Variants in VPS13B observed in about 807,000 individuals in gnomAD.
VPS13B encodes the protein vacuolar protein sorting 13 homolog B.
In VPS13B, 285 loss-of-function variants were observed where a neutral mutation model predicts 426.4. The ratio of observed to expected loss-of-function variants is 0.67; its 90% CI spans 0.61 to 0.74. The LOEUF is 0.74. VPS13B is among the 30% of genes least tolerant of loss of function. The pLI, the probability that VPS13B is intolerant of heterozygous loss-of-function variation, is 0.00. For synonymous variants in VPS13B, 1,676 were observed against 1,676.4 expected (o/e 1.00, Z 0.01); for missense variants, 4,537 against 4,782.6 (o/e 0.95, Z 1.51).
intron 43 of VPS13B, among the ~76,000 whole-genome samples, chr8:99,798,760 C>T (rs555184883): frequency 5.3e-5 from 8 of 152,132 alleles, no homozygotes; most frequent in Non-Finnish European, 8.8e-5. Flanking sequence ...AAGCTTTTTA[C>T]AAGACACTCA....
intron 43 of VPS13B, among the ~76,000 whole-genome samples, chr8:99,784,887 C>T (rs1050690532): frequency 1.3e-5 from 2 of 152,038 alleles, no homozygotes; most frequent in Non-Finnish European, 2.9e-5. Flanking sequence ...GCATTGTGTT[C>T]GGTATTATTA....
intron 3 of VPS13B, among the ~76,000 whole-genome samples, chr8:99,078,917 TG>T (rs1588005660): frequency 6.6e-6 from 1 of 152,026 alleles, no homozygotes; most frequent in East Asian, 1.9e-4. Flanking sequence ...GCAGTGGCCA[TG>T]GTGGGTGTCT....
At chr8:99,110,027 T>A (rs555722167) in intron 5 of VPS13B, among the ~76,000 whole-genome samples, 5 of 152,294 alleles carry the variant, frequency 3.3e-5, no homozygotes, top group African/African-American at 1.2e-4. Flanking sequence ...AGTAACTAAA[T>A]CATTATTCAT....
chr8:99,435,096 T>C (rs1181344945), intron 22 of VPS13B, among the ~76,000 whole-genome samples: 4 of 152,154 alleles, frequency 2.6e-5, no homozygotes, highest in Middle Eastern at 3.2e-3. Context: ...TCAAGAGGAA[T>C]GTTACTTATT....
chr8:99,162,693 G>A (rs1218764589), intron 15 of VPS13B, among the ~76,000 whole-genome samples: 4 of 152,320 alleles, frequency 2.6e-5, no homozygotes, highest in African/African-American at 7.2e-5. Flanking sequence ...GCTCAGGAGC[G>A]AAGCTGCAGA....
chr8:99,825,652 A>G (rs1413187953), intron 51 of VPS13B, among the ~76,000 whole-genome samples: 2 of 152,200 alleles, frequency 1.3e-5, no homozygotes, highest in African/African-American at 2.4e-5. Flanking sequence ...GCCCATGCCT[A>G]TGTCCTGAAT....
At chr8:99,696,381 C>G (rs1832002867) in intron 35 of VPS13B, 1 of 313,536 alleles carries the variant, frequency 3.2e-6, no homozygotes, top group African/African-American at 2.2e-5. Context: ...TGCTGTGGAT[C>G]CATGCCAAGA....
intron 15 of VPS13B, among the ~76,000 whole-genome samples, chr8:99,158,800 G>C (rs968997158): frequency 2.0e-5 from 3 of 152,144 alleles, no homozygotes; most frequent in Non-Finnish European, 4.4e-5. Flanking sequence ...CTACACCTGT[G>C]ATGAAGATGT....
At chr8:99,420,376 G>A (rs1816302591) in intron 21 of VPS13B, among the ~76,000 whole-genome samples, 1 of 152,126 alleles carries the variant, frequency 6.6e-6, no homozygotes. Flanking sequence ...AATAAGAACA[G>A]AGATTTTGAT....
At chr8:99,710,835 C>CAAA (rs532543246) in intron 36 of VPS13B, among the ~76,000 whole-genome samples, 32 of 86,362 alleles carry the variant, frequency 3.7e-4, no homozygotes, top group East Asian at 8.7e-4. Flanking sequence ...ACTAAAAATG[C>CAAA]AAAAAAAAAA....
chr8:99,495,122 G>T (rs1820817360), intron 25 of VPS13B, among the ~76,000 whole-genome samples: 1 of 151,978 alleles, frequency 6.6e-6, no homozygotes, highest in African/African-American at 2.4e-5. Context: ...TTTATTAAAG[G>T]ATAACCCCAA....
At chr8:99,423,566 C>T (rs891491949) in intron 21 of VPS13B, among the ~76,000 whole-genome samples, 1 of 152,016 alleles carries the variant, frequency 6.6e-6, no homozygotes, top group Non-Finnish European at 1.5e-5. Flanking sequence ...CCCACCATGG[C>T]CGGCATGTTT....
chr8:99,776,823 T>TC lies in VPS13B; in HGVS notation c.7298dup (p.Thr2434AsnfsTer10). ...AAAGCACTTGTGATCCACTTGTGACTCCAACAGCCCTGGCTGCCTGTACCA... is the reference window on the plus strand; with the variant it reads ...AAAGCACTTGTGATCCACTTGTGACTCCCAACAGCCCTGGCTGCCTGTACCA... On this transcript the variant is annotated frameshift_variant, in exon 41 of 62. Coordinates refer to ENST00000357162, the MANE Select transcript of VPS13B (RefSeq NM_152564.5). LOFTEE classifies it high-confidence loss of function. The TC allele has an allele frequency of 6.2e-7, 1 of 1,614,072 alleles. No homozygotes were observed. The highest frequency in any genetic ancestry group is 8.5e-7 in the Non-Finnish European group (1 of 1,179,962).
At chr8:99,303,482 C>A (rs575316130) in intron 19 of VPS13B, among the ~76,000 whole-genome samples, 64 of 151,248 alleles carry the variant, frequency 4.2e-4, no homozygotes, top group African/African-American at 1.4e-3. Flanking sequence ...TGTTTTAAAT[C>A]TTTTAAAGTC....
At chr8:99,665,162 GTTGT>G (rs979675085) in intron 35 of VPS13B, among the ~76,000 whole-genome samples, 129 of 152,244 alleles carry the variant, frequency 8.5e-4, no homozygotes, top group African/African-American at 1.5e-3. Context: ...GTTTGATGGG[GTTGT>G]TTGTTTTTTT....
chr8:99,395,400 C>T (rs1315075218), intron 21 of VPS13B, among the ~76,000 whole-genome samples: 2 of 152,190 alleles, frequency 1.3e-5, no homozygotes, highest in Admixed American at 6.5e-5. Flanking sequence ...TGATTCCCAT[C>T]CTTACACAGG....
chr8:99,394,711 G>A (rs1814634504), intron 21 of VPS13B, among the ~76,000 whole-genome samples: 1 of 152,038 alleles, frequency 6.6e-6, no homozygotes, highest in Non-Finnish European at 1.5e-5. Flanking sequence ...AACTTAACAA[G>A]CAGAATACTC....
chr8:99,746,371 G>T (rs1810088044), intron 39 of VPS13B, among the ~76,000 whole-genome samples: 1 of 152,010 alleles, frequency 6.6e-6, no homozygotes, highest in Non-Finnish European at 1.5e-5. Context: ...ATTCCCCCAT[G>T]AATATTTTAC....
At chr8:99,432,150 T>G (rs555032841) in intron 22 of VPS13B, among the ~76,000 whole-genome samples, 2 of 152,244 alleles carry the variant, frequency 1.3e-5, no homozygotes, top group East Asian at 3.9e-4. Context: ...CAATTTTATC[T>G]TATTGAATTA....
Sources: allele counts gnomAD v4.1 joint callset (sites outside exome capture counted in the v4.1 genomes callset), GRCh38; gene constraint gnomAD v4.1.1; transcripts MANE v1.5; gene names NCBI Gene and HGNC (gene_info 2026-07-23, HGNC 2026-07-21).